The following MAP7 variants were observed in gnomAD, a reference collection of about 807,000 sequenced individuals.
MAP7 encodes the protein microtubule associated protein 7.
Under a neutral mutation model 94.8 loss-of-function variants are expected in MAP7, and 52 were observed. The observed-to-expected ratio is 0.55, with a 90% CI of 0.44 to 0.69. The LOEUF (loss-of-function observed/expected upper bound fraction) is 0.69, where lower values mean the gene tolerates loss of function less well. MAP7 is among the 30% of genes least tolerant of loss of function. The pLI is 0.00. For missense variants in MAP7, 940 were observed against 964.6 expected (o/e 0.97, Z 0.34); for synonymous variants, 350 against 357.0 (o/e 0.98, Z 0.22).
Position 136,343,846 on chromosome 6 carries a change from T to TA in MAP7, c.*381dup, listed in dbSNP as rs150275407. Reference sequence around the variant, plus strand: ...CTTATTTTTCAAGTATTATAAAAGGTAAAAAATTTTTTTTGCCAATTTTAC... The same window carrying TA: ...CTTATTTTTCAAGTATTATAAAAGGTAAAAAAATTTTTTTTGCCAATTTTAC... On this transcript the variant is annotated 3_prime_UTR_variant, in exon 18 of 18. Coordinates refer to ENST00000354570, the MANE Select transcript of MAP7 (RefSeq NM_003980.6). 1.5e-3 allele frequency: 234 copies of TA among 156,874 alleles called. 6 individuals are homozygous for TA. The East Asian group carries it at 0.042, about 28-fold the overall frequency. The allele number at this position is 156,874 out of a possible 1,614,324, so 9.7% of individuals were successfully genotyped here.
intron 1 of MAP7, among the ~76,000 whole-genome samples, chr6:136,461,763 TG>T (rs1327758930): frequency 6.6e-6 from 1 of 152,178 alleles, no homozygotes; most frequent in East Asian, 1.9e-4. Context: ...CACATATAAC[TG>T]GAAATATAGT....
chr6:136,373,338 A>G (rs1582710584), intron 7 of MAP7, among the ~76,000 whole-genome samples: 1 of 152,250 alleles, frequency 6.6e-6, no homozygotes, highest in Admixed American at 6.5e-5. Flanking sequence ...AGTTCATAAG[A>G]AGCAGCATTA....
At chr6:136,395,339 G>T (rs559009262) in intron 3 of MAP7, among the ~76,000 whole-genome samples, 1 of 149,418 alleles carries the variant, frequency 6.7e-6, no homozygotes, top group East Asian at 2.0e-4. Flanking sequence ...TTTTGCAGAT[G>T]CCTGTTGGTT....
rs182529599 is a variant in MAP7 at position 136,526,478 on chromosome 6, C to A, written c.67+23864G>T. ...GAGAGGGGAAAATATGATATGCTGCCGTTAACAGTTGCCCTGACAACCCTA... is the reference window on the plus strand; with the variant it reads ...GAGAGGGGAAAATATGATATGCTGCAGTTAACAGTTGCCCTGACAACCCTA... On this transcript the variant is annotated intron_variant, in intron 1 of 17. Transcript: ENST00000354570. 8.7e-4 allele frequency: 855 copies of A among 985,678 alleles called. 8 individuals carry two copies. The African/African-American group carries it at 0.014, about 16-fold the overall frequency. 61.1% of individuals were successfully genotyped at this position (985,678 alleles called of 1,614,324 possible).
chr6:136,447,566 AT>A (rs1053053651), intron 1 of MAP7, among the ~76,000 whole-genome samples: 8 of 152,242 alleles, frequency 5.3e-5, no homozygotes, highest in African/African-American at 1.9e-4. Context: ...ACAGGAAAAA[AT>A]GTTTTAATAT....
intron 1 of MAP7, among the ~76,000 whole-genome samples, chr6:136,516,234 C>T (rs1039641042): frequency 2.0e-5 from 3 of 151,958 alleles, no homozygotes; most frequent in African/African-American, 7.3e-5. Flanking sequence ...GATCATGGCT[C>T]ACTGCAGCCT....
At chr6:136,467,280 C>A (rs1241578670) in intron 1 of MAP7, among the ~76,000 whole-genome samples, 5 of 152,192 alleles carry the variant, frequency 3.3e-5, no homozygotes, top group East Asian at 3.8e-4. Context: ...ACATTTAAAA[C>A]CCTGAAGGTT....
At chr6:136,391,500 A>G (rs1443102374) in intron 3 of MAP7, among the ~76,000 whole-genome samples, 4 of 151,024 alleles carry the variant, frequency 2.6e-5, no homozygotes, top group East Asian at 1.9e-4. Context: ...ATGTATACAT[A>G]TGTAACTAAC....
rs76653499 is a variant in MAP7 at position 136,347,330 on chromosome 6, A to G, written c.2016-1251T>C. The stretch of plus-strand genomic sequence containing the variant: ...AGTTTGTCTTCTCAAATTGTAAAAC[A>G]ATGCTAATGTAAATCCAACCTTTCT... On this transcript the variant is annotated intron_variant, in intron 16 of 17. Transcript: ENST00000354570. 9.0e-3 allele frequency among the ~76,000 whole-genome samples: 1,368 copies of G among 152,302 alleles called. 61 individuals are homozygous for G. The East Asian group carries it at 0.14, about 15-fold the overall frequency.
intron 3 of MAP7, among the ~76,000 whole-genome samples, chr6:136,408,007 G>A (rs1786170807): frequency 6.6e-6 from 1 of 152,092 alleles, no homozygotes; most frequent in Admixed American, 6.6e-5. Flanking sequence ...GAAACAGGCA[G>A]GCATCTACTG....
At chr6:136,467,876 G>A (rs956682816) in intron 1 of MAP7, among the ~76,000 whole-genome samples, 2 of 152,158 alleles carry the variant, frequency 1.3e-5, no homozygotes, top group Non-Finnish European at 2.9e-5. Flanking sequence ...AACCTGCCAA[G>A]CCCCTCTGAA....
At chr6:136,389,009 G>T (rs1443401478) in intron 4 of MAP7, among the ~76,000 whole-genome samples, 1 of 152,162 alleles carries the variant, frequency 6.6e-6, no homozygotes, top group Admixed American at 6.5e-5. Flanking sequence ...TTGAGTAAGG[G>T]TTAAATGAGA....
intron 6 of MAP7, among the ~76,000 whole-genome samples, chr6:136,382,465 A>G (rs1778068433): frequency 6.6e-6 from 1 of 152,220 alleles, no homozygotes; most frequent in East Asian, 1.9e-4. Context: ...TTTGTCTTAT[A>G]TTTAGGGAAT....
At chr6:136,522,669 G>A (rs564640905) in intron 1 of MAP7, among the ~76,000 whole-genome samples, 27 of 152,276 alleles carry the variant, frequency 1.8e-4, no homozygotes, top group African/African-American at 4.6e-4. Flanking sequence ...ATTGTGTATC[G>A]CAATAGTCAC....
At chr6:136,436,860 T>C (rs899257172) in intron 1 of MAP7, among the ~76,000 whole-genome samples, 1 of 152,248 alleles carries the variant, frequency 6.6e-6, no homozygotes, top group Non-Finnish European at 1.5e-5. Flanking sequence ...AAATTGATTT[T>C]AGAAGATTTT....
chr6:136,439,321 CTT>C (rs1015956431), intron 1 of MAP7, among the ~76,000 whole-genome samples: 8 of 152,076 alleles, frequency 5.3e-5, no homozygotes, highest in Non-Finnish European at 1.0e-4. Flanking sequence ...ATGGGGTCCT[CTT>C]GTCCTTTTTG....
chr6:136,549,414 G>A (rs1829966527), intron 1 of MAP7, among the ~76,000 whole-genome samples: 1 of 152,152 alleles, frequency 6.6e-6, no homozygotes, highest in Non-Finnish European at 1.5e-5. Context: ...GGACGGATTT[G>A]CAAGATAGCC....
At chr6:136,505,934 T>C (rs1249879843) in intron 1 of MAP7, among the ~76,000 whole-genome samples, 1 of 152,174 alleles carries the variant, frequency 6.6e-6, no homozygotes, top group Non-Finnish European at 1.5e-5. Flanking sequence ...GTTGATATAA[T>C]CTTTTCCTTC....
chr6:136,378,449 A>G (rs1776857487), intron 6 of MAP7, among the ~76,000 whole-genome samples: 1 of 152,210 alleles, frequency 6.6e-6, no homozygotes, highest in African/African-American at 2.4e-5. Context: ...GATTCGTGCA[A>G]AGTTCTGTAT....
Sources: gnomAD v4.1 joint callset for allele counts (sites outside exome capture counted in the v4.1 genomes callset) on GRCh38, gnomAD v4.1.1 for gene constraint, MANE v1.5 for transcripts, NCBI Gene and HGNC (gene_info 2026-07-23, HGNC 2026-07-21) for gene names.